The following NR2E1 variants were observed in gnomAD, a reference collection of about 807,000 sequenced individuals.
NR2E1 encodes the protein nuclear receptor subfamily 2 group E member 1, also known as nuclear receptor TLX.
NR2E1 carries 5 observed loss-of-function variants against 43.6 expected under a neutral mutation model. The observed-to-expected ratio is 0.11, with a 90% CI of 0.06 to 0.24. The LOEUF (loss-of-function observed/expected upper bound fraction) is 0.24. Ranked by LOEUF, NR2E1 falls within the 10% of genes least tolerant of loss-of-function variation. NR2E1 has a pLI of 1.00. For synonymous variants in NR2E1, 191 were observed against 195.5 expected, an observed-to-expected ratio of 0.98 and a Z score of 0.19; for missense variants, 287 against 496.7, an observed-to-expected ratio of 0.58 and a Z score of 4.01.
intron 8 of NR2E1, among the ~76,000 whole-genome samples, chr6:108,185,984 A>C (rs574447205): frequency 2.6e-5 from 4 of 152,290 alleles, no homozygotes; most frequent in Admixed American, 2.0e-4. Context: ...ACTGCCTCCG[A>C]CTTGCTGAAG....
chr6:108,170,652 G>T (rs1292704101), intron 1 of NR2E1, among the ~76,000 whole-genome samples: 1 of 151,964 alleles, frequency 6.6e-6, no homozygotes, highest in South Asian at 2.1e-4. Flanking sequence ...GGGAGGAAGA[G>T]ATCCACACAG....
In NR2E1 at chr6:108,187,596, A is replaced by C; in HGVS notation, c.*133A>C. 1 of 1,000,890 alleles carries C rather than the reference A, an allele frequency of 1.0e-6. No homozygotes were observed. Among genetic ancestry groups the C allele is most frequent in the South Asian group, 1.3e-5 (1 of 76,624 alleles). The allele number at this position is 1,000,890 out of a possible 1,614,324, so 62.0% of individuals were successfully genotyped here. On this transcript the variant is annotated 3_prime_UTR_variant, in exon 9 of 9. Coordinates refer to ENST00000368986, the MANE Select transcript of NR2E1 (RefSeq NM_003269.5). ...GTGTAGCCTTCAGGAAAAAAATGCC[A>C]ATTGACACAAAGCATTCCAGTAGCT... is the stretch of plus-strand genomic sequence containing the variant.
At chr6:108,167,988 A>C in intron 1 of NR2E1, 2 of 1,558,046 alleles carry the variant, frequency 1.3e-6, no homozygotes, top group South Asian at 2.4e-5. Context: ...CCTTTAAAAA[A>C]TTAGAGCAAA....
In NR2E1 at chr6:108,166,977, G is replaced by A. The variant is rs1773719628; in HGVS notation, c.25+187G>A. 1.3e-5 allele frequency among the ~76,000 whole-genome samples: 2 copies of A among 152,240 alleles called. No individual in the cohort carries two copies. The highest frequency in any genetic ancestry group is 4.8e-5 in the African/African-American group (2 of 41,540). On this transcript the variant is annotated intron_variant, in intron 1 of 8. Coordinates refer to ENST00000368986, the MANE Select transcript of NR2E1 (RefSeq NM_003269.5). This position sits in a 1 kb window ranked among gnomAD's most constrained non-coding sequence, Gnocchi z 7.2. Reference sequence around the variant, plus strand: ...AGCATTTCGTGGAGAGGGGAGAGCCGTTTCGTTGCCTCTGGATTGCTTGAT... The same window carrying A: ...AGCATTTCGTGGAGAGGGGAGAGCCATTTCGTTGCCTCTGGATTGCTTGAT...
chr6:108,166,602 C>A lies in NR2E1; in HGVS notation c.-164C>A. The A allele has an allele frequency of 1.8e-6, 1 of 547,532 alleles. No homozygotes were observed. Among genetic ancestry groups the A allele is most frequent in the South Asian group, 2.6e-5 (1 of 38,390 alleles). 33.9% of individuals were successfully genotyped at this position (547,532 alleles called of 1,614,324 possible). A position where few individuals can be genotyped will look rare whatever the true frequency, so the allele number is the denominator to read the frequency against. ...TTTCCACTGTTGGACGAATTCTGAGCGCCCAGGGAGCAGCGCAGCGCGCGA... is the reference window on the plus strand; with the variant it reads ...TTTCCACTGTTGGACGAATTCTGAGAGCCCAGGGAGCAGCGCAGCGCGCGA... On this transcript the variant is annotated 5_prime_UTR_variant, in exon 1 of 9. Coordinates refer to ENST00000368986, the MANE Select transcript of NR2E1 (RefSeq NM_003269.5). This position sits in a 1 kb window ranked among gnomAD's most constrained non-coding sequence, Gnocchi z 7.2.
intron 7 of NR2E1, 118 bp downstream of exon 7, chr6:108,181,074 T>C: frequency 1.8e-6 from 2 of 1,094,344 alleles, no homozygotes; most frequent in Non-Finnish European, 2.8e-6. Context: ...TCAAGGGAGC[T>C]GATACTCTTA....
At chr6:108,185,226 C>CTA (rs1322871473) in intron 8 of NR2E1, among the ~76,000 whole-genome samples, 4 of 152,196 alleles carry the variant, frequency 2.6e-5, no homozygotes, top group African/African-American at 9.7e-5. Flanking sequence ...TCCACACAAA[C>CTA]TATATTCTAT....
In NR2E1 at chr6:108,166,870, C is replaced by G; in HGVS notation, c.25+80C>G. 7.1e-7 allele frequency: 1 copy of G among 1,416,890 alleles called. No individual in the cohort carries two copies. The highest frequency in any genetic ancestry group is 9.7e-7 in the Non-Finnish European group (1 of 1,031,796). The allele number at this position is 1,416,890 out of a possible 1,614,324, so 87.8% of individuals were successfully genotyped here. On this transcript the variant is annotated intron_variant, in intron 1 of 8. Coordinates refer to ENST00000368986, the MANE Select transcript of NR2E1 (RefSeq NM_003269.5). This position sits in a 1 kb window ranked among gnomAD's most constrained non-coding sequence, Gnocchi z 7.2. Reference sequence around the variant, plus strand: ...GCGGGGAGGCTGGGGGAGGTCCTGCCTGGAGCGCTGCGAATCTGAGCCCCT... The same window carrying G: ...GCGGGGAGGCTGGGGGAGGTCCTGCGTGGAGCGCTGCGAATCTGAGCCCCT...
At chr6:108,177,711 G>T (rs1192135496) in intron 4 of NR2E1, among the ~76,000 whole-genome samples, 1 of 152,144 alleles carries the variant, frequency 6.6e-6, no homozygotes, top group Non-Finnish European at 1.5e-5. Context: ...TTTGTGTTTG[G>T]GATGCCTATT....
intron 4 of NR2E1, among the ~76,000 whole-genome samples, chr6:108,176,962 G>A (rs1304475089): frequency 6.6e-6 from 1 of 152,194 alleles, no homozygotes; most frequent in Non-Finnish European, 1.5e-5. Context: ...GGCTACAAGT[G>A]TGCACTCCGG....
chr6:108,180,569 G>A lies in NR2E1; in HGVS notation c.739+150G>A, dbSNP rs1202525088. 4 of 738,102 alleles carry A rather than the reference G, an allele frequency of 5.4e-6. No individual in the cohort carries two copies. Among genetic ancestry groups the A allele is most frequent in the Non-Finnish European group, 9.4e-6 (4 of 424,514 alleles). The allele number at this position is 738,102 out of a possible 1,614,324, so 45.7% of individuals were successfully genotyped here. A position where few individuals can be genotyped will look rare whatever the true frequency, so the allele number is the denominator to read the frequency against. ...AAATCTATATTTAAATGCAAATAATGTTGTTTTGTTGTATTCATGACTGCT... is the reference window on the plus strand; with the variant it reads ...AAATCTATATTTAAATGCAAATAATATTGTTTTGTTGTATTCATGACTGCT... On this transcript the variant is annotated intron_variant, in intron 6 of 8. Transcript: ENST00000368986. This position sits in a 1 kb window ranked among gnomAD's most constrained non-coding sequence, Gnocchi z 5.4.
chr6:108,168,261 GC>G, intron 1 of NR2E1: 4 of 1,264,682 alleles, frequency 3.2e-6, no homozygotes, highest in Non-Finnish European at 4.3e-6. Flanking sequence ...AGCCTCCGTT[GC>G]AAAAACTGAA....
intron 2 of NR2E1, among the ~76,000 whole-genome samples, chr6:108,172,455 A>G (rs999907189): frequency 6.6e-4 from 101 of 152,320 alleles, no homozygotes; most frequent in African/African-American, 2.4e-3. Flanking sequence ...AGAAAGAGTG[A>G]GCAGAACCTC....
At chr6:108,185,562 C>T (rs940698800) in intron 8 of NR2E1, among the ~76,000 whole-genome samples, 9 of 152,206 alleles carry the variant, frequency 5.9e-5, no homozygotes, top group South Asian at 4.2e-4. Flanking sequence ...AGGTGCCCAG[C>T]GAATTTTTGT....
rs538141891 is a variant in NR2E1, at chr6:108,187,650, C to A, written c.*187C>A. On this transcript the variant is annotated 3_prime_UTR_variant, in exon 9 of 9. Coordinates refer to ENST00000368986, the MANE Select transcript of NR2E1 (RefSeq NM_003269.5). The stretch of plus-strand genomic sequence containing the variant: ...ACCTGCCGCCCTGACCAGGATAGGG[C>A]GGGTGGGAAGGAGAGGGGTGCAACA... 2 of 632,518 alleles carry A rather than the reference C, an allele frequency of 3.2e-6. No individual in the cohort carries two copies. The highest frequency in any genetic ancestry group is 5.6e-6 in the Non-Finnish European group (2 of 359,886). The allele number at this position is 632,518 out of a possible 1,614,324, so 39.2% of individuals were successfully genotyped here.
intron 8 of NR2E1, among the ~76,000 whole-genome samples, chr6:108,185,004 T>C (rs1222303808): frequency 6.6e-6 from 1 of 152,232 alleles, no homozygotes; most frequent in Non-Finnish European, 1.5e-5. Context: ...TCTAGGGTCA[T>C]ACATGTGACA....
chr6:108,174,930 A>C lies in NR2E1; in HGVS notation c.259+7A>C. 1 of 1,612,576 alleles carries C rather than the reference A, an allele frequency of 6.2e-7. No homozygotes were observed. The highest frequency in any genetic ancestry group is 1.1e-5 in the South Asian group (1 of 91,056). On this transcript the variant is annotated splice_region_variant and intron_variant, in intron 3 of 8. Coordinates refer to ENST00000368986, the MANE Select transcript of NR2E1 (RefSeq NM_003269.5). ...GTCAACATGAACAAAGACGGTAATC[A>C]GTGCATCCCTTTATTCCAATGTTGA...
intron 1 of NR2E1, chr6:108,168,244 C>A: frequency 7.1e-7 from 1 of 1,400,114 alleles, no homozygotes. Context: ...GTTTCTGTTG[C>A]ATTCTGAGCC....
intron 1 of NR2E1, among the ~76,000 whole-genome samples, chr6:108,170,580 G>C (rs1030171653): frequency 4.6e-5 from 7 of 151,712 alleles, no homozygotes; most frequent in South Asian, 2.1e-4. Flanking sequence ...ATACAGCCTA[G>C]AGAAATCAGT....
Sources: allele counts gnomAD v4.1 joint callset (sites outside exome capture counted in the v4.1 genomes callset), GRCh38; gene constraint gnomAD v4.1.1; non-coding constraint Gnocchi (gnomAD v3.1); transcripts MANE v1.5; gene names NCBI Gene and HGNC (gene_info 2026-07-23, HGNC 2026-07-21).